The following ZBTB20 variants were observed in gnomAD, a reference collection of about 807,000 sequenced individuals.
The protein encoded by ZBTB20 is zinc finger and BTB domain-containing protein 20.
Under a neutral mutation model 56.9 loss-of-function variants are expected in ZBTB20, and 9 were observed. That is an observed-to-expected ratio of 0.16 (90% CI 0.10 to 0.28). The LOEUF is 0.28. ZBTB20 is among the 10% of genes least tolerant of loss of function. The probability of loss-of-function intolerance (pLI) is 1.00; values close to 1 mark genes in which losing one functional copy is unlikely to be tolerated. For synonymous variants in ZBTB20, 417 were observed against 420.7 expected (o/e 0.99, Z 0.11); for missense variants, 655 against 1,003.0 (o/e 0.65, Z 4.69).
intron 6 of ZBTB20, among the ~76,000 whole-genome samples, chr3:114,518,328 GAA>G (rs949225410): frequency 6.6e-6 from 1 of 151,252 alleles, no homozygotes; most frequent in Non-Finnish European, 1.5e-5. Flanking sequence ...AAATAGAAGA[GAA>G]AAAAAACCCC....
At position 114,322,010 on chromosome 3, in the gene ZBTB20, C is replaced by A. The variant is rs999671489; in HGVS notation, c.*16995G>T. The A allele has an allele frequency of 6.6e-6, 1 of 152,278 alleles. No homozygotes were observed. Among genetic ancestry groups the A allele is most frequent in the Admixed American group, 6.5e-5 (1 of 15,292 alleles). 9.4% of individuals were successfully genotyped at this position (152,278 alleles called of 1,614,324 possible). A position where few individuals can be genotyped will look rare whatever the true frequency, so the allele number is the denominator to read the frequency against. ...CTTGCCATGGGCATGGGCGTTTCAA[C>A]CACTCCAGAAATCACAACAAAATCC... is the stretch of plus-strand genomic sequence containing the variant. On this transcript the variant is annotated 3_prime_UTR_variant, in exon 12 of 12. Coordinates refer to ENST00000675478, the MANE Select transcript of ZBTB20 (RefSeq NM_001348800.3).
chr3:114,632,972 G>C (rs934091564), intron 6 of ZBTB20, among the ~76,000 whole-genome samples: 2 of 152,160 alleles, frequency 1.3e-5, no homozygotes, highest in Non-Finnish European at 2.9e-5. Flanking sequence ...TAGGCTTTTA[G>C]ATGCAAATTT....
At chr3:115,068,181 G>A (rs1207241502) in intron 2 of ZBTB20, among the ~76,000 whole-genome samples, 1 of 107,086 alleles carries the variant, frequency 9.3e-6, no homozygotes, top group Non-Finnish European at 2.1e-5. Context: ...CTAGATAGAA[G>A]CCTGAATACC....
chr3:114,424,857 G>A (rs1426288399), intron 7 of ZBTB20, among the ~76,000 whole-genome samples: 4 of 152,134 alleles, frequency 2.6e-5, no homozygotes, highest in African/African-American at 9.7e-5. Context: ...GAAGAAAGCT[G>A]GTCAAGGTGT....
At chr3:114,449,502 G>A (rs1291765700) in intron 7 of ZBTB20, among the ~76,000 whole-genome samples, 2 of 151,974 alleles carry the variant, frequency 1.3e-5, no homozygotes, top group African/African-American at 2.4e-5. Flanking sequence ...TCTGAAAAAC[G>A]GAAAGTGTTA....
intron 4 of ZBTB20, among the ~76,000 whole-genome samples, chr3:114,855,116 G>T (rs983337335): frequency 1.3e-5 from 2 of 152,152 alleles, no homozygotes; most frequent in South Asian, 4.1e-4. Flanking sequence ...TTATGTGTGT[G>T]TTATAAGTAT....
intron 7 of ZBTB20, among the ~76,000 whole-genome samples, chr3:114,479,571 T>C (rs1201615376): frequency 6.6e-6 from 1 of 152,230 alleles, no homozygotes; most frequent in Non-Finnish European, 1.5e-5. Flanking sequence ...ATATTTGTAT[T>C]GTCCAACCTA....
intron 4 of ZBTB20, among the ~76,000 whole-genome samples, chr3:114,802,313 T>C (rs996181155): frequency 2.0e-5 from 3 of 151,936 alleles, no homozygotes; most frequent in Non-Finnish European, 4.4e-5. Flanking sequence ...CCTTAAATTG[T>C]ACTATTATTA....
chr3:115,094,747 A>T (rs2083317502), intron 1 of ZBTB20, among the ~76,000 whole-genome samples: 1 of 151,992 alleles, frequency 6.6e-6, no homozygotes, highest in South Asian at 2.1e-4. Context: ...ATTCAGTAAA[A>T]AACAAAAATG....
chr3:114,922,483 T>C (rs558266787), intron 3 of ZBTB20, among the ~76,000 whole-genome samples: 1 of 152,230 alleles, frequency 6.6e-6, no homozygotes, highest in Non-Finnish European at 1.5e-5. Context: ...AGTTTCAGGA[T>C]ACAATGTAAC....
chr3:115,110,512 T>A (rs1011865552), intron 1 of ZBTB20, among the ~76,000 whole-genome samples: 3 of 152,234 alleles, frequency 2.0e-5, no homozygotes, highest in African/African-American at 7.2e-5. Context: ...ATACAAAAAA[T>A]TACTTTACAG....
At chr3:114,670,579 A>G (rs1382641742) in intron 6 of ZBTB20, among the ~76,000 whole-genome samples, 5 of 152,072 alleles carry the variant, frequency 3.3e-5, no homozygotes, top group Non-Finnish European at 7.4e-5. Context: ...ACCTCCTACC[A>G]AGAGACCACC....
chr3:114,707,985 T>C (rs2063820069), intron 5 of ZBTB20, among the ~76,000 whole-genome samples: 1 of 152,186 alleles, frequency 6.6e-6, no homozygotes, highest in African/African-American at 2.4e-5. Context: ...GCAGGAATCA[T>C]ATCTCCTCCA....
intron 3 of ZBTB20, among the ~76,000 whole-genome samples, chr3:114,936,882 A>C (rs1404081148): frequency 2.6e-5 from 4 of 152,310 alleles, no homozygotes; most frequent in African/African-American, 9.6e-5. Context: ...TTTGGGGTAG[A>C]ATCTATACAT....
At chr3:115,079,379 CTTATTTATTTAT>C (rs150432470) in intron 1 of ZBTB20, among the ~76,000 whole-genome samples, 3 of 149,562 alleles carry the variant, frequency 2.0e-5, no homozygotes, top group Admixed American at 2.0e-4. Context: ...TCAAGTCTTT[CTTATTTATTTAT>C]TTATTTATTT....
intron 3 of ZBTB20, among the ~76,000 whole-genome samples, chr3:114,901,853 G>C (rs969705341): frequency 6.6e-6 from 1 of 152,010 alleles, no homozygotes; most frequent in South Asian, 2.1e-4. Flanking sequence ...AAAGAATTAA[G>C]AGTGATTATA....
Position 114,349,699 on chromosome 3 carries a change from C to T in ZBTB20, c.1804+575G>A, listed in dbSNP as rs138440844. 1.4e-3 allele frequency among the ~76,000 whole-genome samples: 217 copies of T among 152,254 alleles called. 1 individual carries two copies. Among genetic ancestry groups the T allele is most frequent in the African/African-American group, 4.9e-3 (203 of 41,542 alleles). On this transcript the variant is annotated intron_variant, in intron 11 of 11. Coordinates refer to ENST00000675478, the MANE Select transcript of ZBTB20 (RefSeq NM_001348800.3). ...CAAACTGAATGTCTCCTCCTCTTAACCATCTTAATAATAGCTACCACTTAT... is the reference window on the plus strand; with the variant it reads ...CAAACTGAATGTCTCCTCCTCTTAATCATCTTAATAATAGCTACCACTTAT...
Position 114,338,754 on chromosome 3 carries a change from C to CT in ZBTB20, c.*250dup. 2.8e-6 allele frequency: 1 copy of CT among 354,572 alleles called. No homozygotes were observed. 22.0% of individuals were successfully genotyped at this position (354,572 alleles called of 1,614,324 possible). On this transcript the variant is annotated 3_prime_UTR_variant, in exon 12 of 12. Transcript: ENST00000675478. Reference sequence around the variant, plus strand: ...TCCAACCAGTGGACCTCTTGAAGCACTACCAGGCCTTAAGGCCACCATCCG... The same window carrying CT: ...TCCAACCAGTGGACCTCTTGAAGCACTTACCAGGCCTTAAGGCCACCATCCG...
chr3:115,146,049 G>A (rs755514101), intron 1 of ZBTB20, among the ~76,000 whole-genome samples: 10 of 152,148 alleles, frequency 6.6e-5, no homozygotes, highest in African/African-American at 9.7e-5. Context: ...TGTCTAGAAA[G>A]GTAACATGTT....
Sources: gnomAD v4.1 joint callset for allele counts (sites outside exome capture counted in the v4.1 genomes callset) on GRCh38, gnomAD v4.1.1 for gene constraint, MANE v1.5 for transcripts, NCBI Gene and HGNC (gene_info 2026-07-23, HGNC 2026-07-21) for gene names.